Variants in KIF1B observed in about 807,000 individuals in gnomAD.
KIF1B encodes kinesin family member 1B, also known as kinesin-like protein KIF1B.
Under a neutral mutation model 241.9 loss-of-function variants are expected in KIF1B, and 76 were observed. The observed-to-expected ratio is 0.31, with a 90% confidence interval of 0.26 to 0.38. KIF1B has a LOEUF of 0.38. Among genes scored for constraint, KIF1B ranks in the 10% least tolerant of loss-of-function variants. The pLI, the probability that KIF1B is intolerant of heterozygous loss-of-function variation, is 1.00. For synonymous variants in KIF1B, 750 were observed against 796.7 expected, an observed-to-expected ratio of 0.94 and a Z score of 0.99; for missense variants, 1,622 against 2,271.4, an observed-to-expected ratio of 0.71 and a Z score of 5.81.
At chr1:10,310,529 C>T (rs1337750272) in intron 22 of KIF1B, among the ~76,000 whole-genome samples, 1 of 151,680 alleles carries the variant, frequency 6.6e-6, no homozygotes, top group East Asian at 1.9e-4. Flanking sequence ...TGGCCGTGTT[C>T]CAGTCAAACT....
At chr1:10,262,892 T>A (rs1171048794) in intron 5 of KIF1B, among the ~76,000 whole-genome samples, 1 of 152,234 alleles carries the variant, frequency 6.6e-6, no homozygotes, top group Non-Finnish European at 1.5e-5. Flanking sequence ...TATAAAAACT[T>A]GGAAAGTAAT....
chr1:10,326,007 T>A lies in KIF1B; in HGVS notation c.2676-104T>A, dbSNP rs529582549. ...GCTTTTCCATTTGCTTTTATTGTGT[T>A]GATTCCCCAGTGGATTCTGTCCTGT... On this transcript the variant is annotated intron_variant, in intron 26 of 48. Coordinates refer to ENST00000676179, the MANE Select transcript of KIF1B (RefSeq NM_001365951.3). This position sits in a 1 kb window ranked among gnomAD's most constrained non-coding sequence, Gnocchi z 5.2. 144 of 1,439,976 alleles carry A rather than the reference T, an allele frequency of 1.0e-4. No individual in the cohort carries two copies. The East Asian group carries it at 3.1e-3, about 31-fold the overall frequency. The allele number at this position is 1,439,976 out of a possible 1,614,324, so 89.2% of individuals were successfully genotyped here.
chr1:10,245,437 C>T (rs1199766793), intron 2 of KIF1B, among the ~76,000 whole-genome samples: 1 of 152,162 alleles, frequency 6.6e-6, no homozygotes, highest in Non-Finnish European at 1.5e-5. Context: ...GTCTTCAAGT[C>T]AGCCTTTATG....
At chr1:10,295,867 A>G (rs1650238274) in intron 19 of KIF1B, 101 bp downstream of exon 19, 1 of 1,005,970 alleles carries the variant, frequency 9.9e-7, no homozygotes, top group Non-Finnish European at 1.5e-6. Flanking sequence ...GTACTTTCTT[A>G]TACAATCTAA....
At chr1:10,369,737 A>G (rs1380677915) in intron 44 of KIF1B, among the ~76,000 whole-genome samples, 3 of 152,146 alleles carry the variant, frequency 2.0e-5, no homozygotes, top group African/African-American at 7.2e-5. Context: ...GTTTGCGACC[A>G]GCCTGACCAA....
intron 2 of KIF1B, among the ~76,000 whole-genome samples, chr1:10,240,341 TG>T (rs1647118777): frequency 6.6e-6 from 1 of 152,132 alleles, no homozygotes; most frequent in Admixed American, 6.6e-5. Flanking sequence ...CCCAAGTAGC[TG>T]GGACTACAGG....
chr1:10,283,287 T>C (rs1461801434), intron 15 of KIF1B, among the ~76,000 whole-genome samples: 2 of 151,122 alleles, frequency 1.3e-5, no homozygotes, highest in African/African-American at 2.4e-5. Context: ...AGTTATTAAA[T>C]TATATCTTCT....
chr1:10,251,986 C>G (rs1172762375), intron 2 of KIF1B, among the ~76,000 whole-genome samples: 1 of 152,084 alleles, frequency 6.6e-6, no homozygotes, highest in Non-Finnish European at 1.5e-5. Flanking sequence ...TGTGGTCATT[C>G]ATCTTTTAGA....
chr1:10,279,577 C>G (rs1241172066), intron 14 of KIF1B, among the ~76,000 whole-genome samples: 1 of 151,394 alleles, frequency 6.6e-6, no homozygotes, highest in Non-Finnish European at 1.5e-5. Flanking sequence ...GTCAGCAAAA[C>G]TATCTATGAT....
intron 34 of KIF1B, among the ~76,000 whole-genome samples, chr1:10,343,746 G>A (rs1000612446): frequency 6.6e-6 from 1 of 151,922 alleles, no homozygotes; most frequent in Admixed American, 6.6e-5. Flanking sequence ...CAACAAGAGC[G>A]AAACTCCGTC....
At position 10,283,805 on chromosome 1, in the gene KIF1B, G is replaced by A. The variant is rs74336333; in HGVS notation, c.1434+1272G>A. On this transcript the variant is annotated intron_variant, in intron 15 of 48. Transcript: ENST00000676179. ...CTGAGAAGTTGCAGTCATGCTGCCA[G>A]CCAGCAGTCTTCTTCACAGTCACTT... is the stretch of plus-strand genomic sequence containing the variant. 5.3e-5 allele frequency among the ~76,000 whole-genome samples: 8 copies of A among 152,350 alleles called. No homozygotes were observed. The East Asian group carries it at 1.5e-3, about 29-fold the overall frequency.
Position 10,365,474 on chromosome 1 carries a change from G to A in KIF1B, c.4578G>A (p.Leu1526=). 6.2e-7 allele frequency: 1 copy of A among 1,614,090 alleles called. No individual in the cohort carries two copies. Among genetic ancestry groups the A allele is most frequent in the Non-Finnish European group, 8.5e-7 (1 of 1,180,014 alleles). Residue 1526 remains leucine (L), a synonymous_variant, in exon 43 of 49, where the codon CTG becomes CTA. Coordinates refer to ENST00000676179, the MANE Select transcript of KIF1B (RefSeq NM_001365951.3). This position sits in a 1 kb window ranked among gnomAD's most constrained non-coding sequence, Gnocchi z 4.0. ...TTGGTGACAGCATCCCCAAATCCCT[G>A]AGCGACTCGTTATCCCCCAGCCTCA... ...ERLGDSIPKS[L]SDSLSPSLSS... is the part of the protein sequence containing the mutation.
intron 2 of KIF1B, among the ~76,000 whole-genome samples, chr1:10,253,187 GT>G (rs1647564906): frequency 6.6e-6 from 1 of 151,986 alleles, no homozygotes; most frequent in Non-Finnish European, 1.5e-5. Context: ...TGGGCTAAGA[GT>G]GTGAACTCTG....
At chr1:10,231,800 G>A (rs1039359134) in intron 1 of KIF1B, among the ~76,000 whole-genome samples, 1 of 151,990 alleles carries the variant, frequency 6.6e-6, no homozygotes, top group Non-Finnish European at 1.5e-5. Context: ...ATTGAAGATC[G>A]ATCCAGAAAC....
chr1:10,232,143 T>C, intron 1 of KIF1B, 107 bp from the exon 2 acceptor site: 4 of 575,734 alleles, frequency 6.9e-6, no homozygotes, highest in South Asian at 6.1e-5. Context: ...ATATCGTTTT[T>C]ATAAATGGAA....
chr1:10,381,276 C>G lies in KIF1B; in HGVS notation c.*4689C>G, dbSNP rs1639016415. On this transcript the variant is annotated 3_prime_UTR_variant, in exon 49 of 49. Transcript: ENST00000676179. ...TTGTCACCATCCTCACACATGACAACAAAACCCATAATGCATAAGTGGCCT... is the reference window on the plus strand; with the variant it reads ...TTGTCACCATCCTCACACATGACAAGAAAACCCATAATGCATAAGTGGCCT... 1 of 226,642 alleles carries G rather than the reference C, an allele frequency of 4.4e-6. No homozygotes were observed. The highest frequency in any genetic ancestry group is 8.8e-6 in the Non-Finnish European group (1 of 113,750). The allele number at this position is 226,642 out of a possible 1,614,324, so 14.0% of individuals were successfully genotyped here. A position where few individuals can be genotyped will look rare whatever the true frequency, so the allele number is the denominator to read the frequency against.
chr1:10,271,450 G>A, intron 7 of KIF1B, 52 bp from the exon 8 acceptor site: 1 of 1,274,128 alleles, frequency 7.8e-7, no homozygotes, highest in Non-Finnish European at 1.1e-6. Flanking sequence ...AATATTTCCT[G>A]CTTCTATCTT....
At chr1:10,248,213 T>C (rs1647265658) in intron 2 of KIF1B, among the ~76,000 whole-genome samples, 1 of 144,830 alleles carries the variant, frequency 6.9e-6, no homozygotes, top group Non-Finnish European at 1.5e-5. Context: ...TTGTTGTTGT[T>C]GAGACAGGGT....
chr1:10,217,063 T>G (rs1389627196), intron 1 of KIF1B, among the ~76,000 whole-genome samples: 1 of 131,610 alleles, frequency 7.6e-6, no homozygotes, highest in African/African-American at 2.7e-5. Context: ...AACCTCTGCC[T>G]CCCGGATTCA....
Sources: gnomAD v4.1 joint callset for allele counts (sites outside exome capture counted in the v4.1 genomes callset) on GRCh38, gnomAD v4.1.1 for gene constraint, Gnocchi (gnomAD v3.1) non-coding constraint, MANE v1.5 for transcripts, NCBI Gene and HGNC (gene_info 2026-07-23, HGNC 2026-07-21) for gene names.